The following CDK14 variants were observed in gnomAD, a reference collection of about 807,000 sequenced individuals.
CDK14 encodes cyclin-dependent kinase 14.
Under a neutral mutation model 60.7 loss-of-function variants are expected in CDK14, and 34 were observed. That is an observed-to-expected ratio of 0.56 (90% CI 0.43 to 0.75). The LOEUF is 0.75. CDK14 is among the 30% of genes least tolerant of loss of function. The pLI is 0.00. For synonymous variants in CDK14, 197 were observed against 203.7 expected (o/e 0.97, Z 0.28); for missense variants, 482 against 564.1 (o/e 0.85, Z 1.47).
intron 14 of CDK14, among the ~76,000 whole-genome samples, chr7:91,134,701 C>G (rs1050914864): frequency 6.6e-6 from 1 of 152,020 alleles, no homozygotes; most frequent in African/African-American, 2.4e-5. Context: ...TGGTGAAACC[C>G]TGTTTTTACT....
intron 14 of CDK14, among the ~76,000 whole-genome samples, chr7:91,178,650 C>T (rs1318194035): frequency 6.6e-6 from 1 of 152,096 alleles, no homozygotes; most frequent in African/African-American, 2.4e-5. Flanking sequence ...GGGCGAAGGA[C>T]ATGAACAGAC....
chr7:90,911,011 A>G (rs1476784019), intron 7 of CDK14, among the ~76,000 whole-genome samples: 1 of 152,024 alleles, frequency 6.6e-6, no homozygotes, highest in Non-Finnish European at 1.5e-5. Context: ...TTATCTCCCA[A>G]GTATAAGTGA....
At chr7:90,694,610 A>G (rs1261137988) in intron 2 of CDK14, among the ~76,000 whole-genome samples, 1 of 152,210 alleles carries the variant, frequency 6.6e-6, no homozygotes, top group Non-Finnish European at 1.5e-5. Context: ...AATAACTATA[A>G]TTGAATTTTC....
intron 2 of CDK14, among the ~76,000 whole-genome samples, chr7:90,622,701 C>T (rs1443888600): frequency 6.6e-6 from 1 of 152,104 alleles, no homozygotes; most frequent in East Asian, 1.9e-4. Flanking sequence ...GATTTGGGAG[C>T]TAGATTATCC....
At chr7:90,723,759 G>T (rs1802537533) in intron 2 of CDK14, among the ~76,000 whole-genome samples, 1 of 152,150 alleles carries the variant, frequency 6.6e-6, no homozygotes, top group Non-Finnish European at 1.5e-5. Context: ...TGAATGTTAA[G>T]CCAACCTTGC....
At chr7:90,987,086 C>T (rs971231012) in intron 10 of CDK14, among the ~76,000 whole-genome samples, 2 of 151,886 alleles carry the variant, frequency 1.3e-5, no homozygotes, top group African/African-American at 2.4e-5. Context: ...ATTGACATAG[C>T]TTTGTCAAAG....
chr7:90,742,230 T>G (rs1047299222), intron 3 of CDK14, among the ~76,000 whole-genome samples: 1 of 152,024 alleles, frequency 6.6e-6, no homozygotes, highest in African/African-American at 2.4e-5. Context: ...CTTAGAAGAT[T>G]GTATTTTTAA....
intron 4 of CDK14, among the ~76,000 whole-genome samples, chr7:90,765,556 A>G (rs10487984): frequency 0.15 from 23,519 of 152,008 alleles, 1,932 homozygotes; most frequent in Middle Eastern, 0.25. Context: ...GAAAAGTCAA[A>G]TCAATGAATC....
At chr7:90,665,453 A>G (rs1800958315) in intron 2 of CDK14, among the ~76,000 whole-genome samples, 2 of 152,212 alleles carry the variant, frequency 1.3e-5, no homozygotes, top group Non-Finnish European at 2.9e-5. Context: ...AAGCAGGAAA[A>G]TATGCAATGG....
At chr7:90,967,428 T>A (rs1417271930) in intron 9 of CDK14, among the ~76,000 whole-genome samples, 1 of 152,156 alleles carries the variant, frequency 6.6e-6, no homozygotes, top group Non-Finnish European at 1.5e-5. Flanking sequence ...ATGTAGACAT[T>A]TGTGATTTTC....
intron 1 of CDK14, among the ~76,000 whole-genome samples, chr7:90,600,630 T>C (rs1799295957): frequency 6.6e-6 from 1 of 152,240 alleles, no homozygotes; most frequent in African/African-American, 2.4e-5. Flanking sequence ...CCAGTTGTCA[T>C]GTGACGAATT....
chr7:91,199,413 G>A (rs1481239141), intron 14 of CDK14, among the ~76,000 whole-genome samples: 1 of 151,820 alleles, frequency 6.6e-6, no homozygotes, highest in Admixed American at 6.6e-5. Context: ...TTTTCCCATT[G>A]GCTGAGACAG....
At chr7:90,656,595 G>A (rs1232305123) in intron 2 of CDK14, among the ~76,000 whole-genome samples, 1 of 152,110 alleles carries the variant, frequency 6.6e-6, no homozygotes, top group African/African-American at 2.4e-5. Context: ...GGCCAGGCTG[G>A]TCTTGAACTT....
In CDK14 at chr7:90,668,699, CTTTTTTTTTTT is replaced by C. The variant is rs59773768; in HGVS notation, c.124-57851_124-57841del. Reference sequence around the variant, plus strand: ...TATGGTGTAAGGAAGGACTCGCATTCTTTTTTTTTTTTTTTTTTTTTTTTTTTCAACTGGGG... The same window carrying C: ...TATGGTGTAAGGAAGGACTCGCATTCTTTTTTTTTTTTTTTTCAACTGGGG... On this transcript the variant is annotated intron_variant, in intron 2 of 14. Transcript: ENST00000380050. Among the ~76,000 whole-genome samples the C allele has an allele frequency of 8.8e-3, 769 of 87,528 alleles. 7 individuals carry two copies. Among genetic ancestry groups the C allele is most frequent in the African/African-American group, 0.03 (692 of 23,116 alleles). The allele number at this position is 87,528 out of a possible 152,430, so 57.4% of individuals were successfully genotyped here.
chr7:91,003,665 C>CT (rs1795902264), intron 10 of CDK14, among the ~76,000 whole-genome samples: 1 of 152,068 alleles, frequency 6.6e-6, no homozygotes, highest in African/African-American at 2.4e-5. Context: ...GAGCTTCTTC[C>CT]TAAAGGTGTG....
In CDK14 at chr7:91,017,819, C is replaced by G. The variant is rs538972497; in HGVS notation, c.1042-28078C>G. On this transcript the variant is annotated intron_variant, in intron 10 of 14. Transcript: ENST00000380050. ...AATCTGTGCACAGAGATAACAAGCCCTTTTGAATTACAGGGCCACTAGGGT... is the reference window on the plus strand; with the variant it reads ...AATCTGTGCACAGAGATAACAAGCCGTTTTGAATTACAGGGCCACTAGGGT... Among the ~76,000 whole-genome samples, 4 of 152,254 alleles carry G rather than the reference C, an allele frequency of 2.6e-5. No homozygotes were observed. The South Asian group carries it at 8.3e-4, about 32-fold the overall frequency.
chr7:91,037,995 G>A (rs1796981932), intron 10 of CDK14, among the ~76,000 whole-genome samples: 1 of 152,186 alleles, frequency 6.6e-6, no homozygotes, highest in African/African-American at 2.4e-5. Flanking sequence ...CCTGCACTGT[G>A]CATGGCAGCC....
At chr7:90,707,013 C>A (rs2116630938) in intron 2 of CDK14, among the ~76,000 whole-genome samples, 1 of 152,142 alleles carries the variant, frequency 6.6e-6, no homozygotes, top group East Asian at 1.9e-4. Context: ...AGGGCACTGC[C>A]CCCAATAAAT....
chr7:90,951,173 T>A (rs1794249218), intron 8 of CDK14, among the ~76,000 whole-genome samples: 1 of 152,232 alleles, frequency 6.6e-6, no homozygotes. Context: ...TAAAATATTA[T>A]CCAAGCATTT....
Sources: gnomAD v4.1 joint callset for allele counts (sites outside exome capture counted in the v4.1 genomes callset) on GRCh38, gnomAD v4.1.1 for gene constraint, MANE v1.5 for transcripts, NCBI Gene and HGNC (gene_info 2026-07-23, HGNC 2026-07-21) for gene names.